Variants in LIFR observed in about 807,000 individuals in gnomAD.
The protein encoded by LIFR is LIF receptor subunit alpha.
Under a neutral mutation model 122.2 loss-of-function variants are expected in LIFR, and 84 were observed. The observed-to-expected ratio is 0.69, with a 90% CI of 0.58 to 0.82. The LOEUF (loss-of-function observed/expected upper bound fraction) is 0.82. LIFR is among the 40% of genes least tolerant of loss of function. The pLI is 0.00. For missense variants in LIFR, 1,294 were observed against 1,311.6 expected (o/e 0.99, Z 0.21); for synonymous variants, 422 against 434.7 (o/e 0.97, Z 0.36).
intron 1 of LIFR, among the ~76,000 whole-genome samples, chr5:38,554,035 T>A (rs1748384809): frequency 6.6e-6 from 1 of 152,148 alleles, no homozygotes; most frequent in South Asian, 2.1e-4. Flanking sequence ...TTTGAGTGCC[T>A]AATGGCAACC....
intron 1 of LIFR, among the ~76,000 whole-genome samples, chr5:38,587,170 C>T (rs1749776751): frequency 6.6e-6 from 1 of 152,056 alleles, no homozygotes; most frequent in Non-Finnish European, 1.5e-5. Context: ...TACCCCTCCC[C>T]ACCCCAGCCC....
intron 1 of LIFR, among the ~76,000 whole-genome samples, chr5:38,591,341 T>C (rs1343411423): frequency 6.6e-6 from 1 of 152,250 alleles, no homozygotes; most frequent in African/African-American, 2.4e-5. Flanking sequence ...TCCAGAATAC[T>C]GATTTTACTT....
chr5:38,526,774 T>C (rs1746711204), intron 4 of LIFR, among the ~76,000 whole-genome samples: 1 of 152,174 alleles, frequency 6.6e-6, no homozygotes, highest in South Asian at 2.1e-4. Context: ...CAATGAACTA[T>C]TAATCGACTG....
intron 1 of LIFR, among the ~76,000 whole-genome samples, chr5:38,538,968 C>CT (rs1051874536): frequency 2.6e-4 from 39 of 149,602 alleles, no homozygotes; most frequent in East Asian, 2.0e-3. Context: ...TTGGTTCTCT[C>CT]TTTTTTTTTT....
chr5:38,572,443 C>T (rs1003066385), intron 1 of LIFR, among the ~76,000 whole-genome samples: 4 of 152,146 alleles, frequency 2.6e-5, no homozygotes, highest in African/African-American at 9.7e-5. Context: ...ATTCATATCC[C>T]ACCAGGCCCC....
At chr5:38,510,917 C>T (rs572641223) in intron 6 of LIFR, among the ~76,000 whole-genome samples, 199 bp from the exon 7 acceptor site, 3 of 148,914 alleles carry the variant, frequency 2.0e-5, no homozygotes, top group South Asian at 2.1e-4. Context: ...AAGATATATA[C>T]GATAAATTTT....
Position 38,496,551 on chromosome 5 carries a change from A to G in LIFR, c.1716T>C (p.Asn572=), listed in dbSNP as rs370702690. ...TTTCCTCATCTGATGAACACGATAC[A>G]TTGTAGGAAAGTATTTTTCCATTAG... The part of the protein sequence containing the change: ...NEANGKILSY[N]VSCSSDEETQ... Residue 572 remains asparagine, a synonymous_variant, in exon 13 of 20, where the codon AAT becomes AAC. Transcript: ENST00000453190. 7.4e-6 allele frequency: 12 copies of G among 1,613,856 alleles called. No homozygotes were observed. Among genetic ancestry groups the G allele is most frequent in the African/African-American group, 1.3e-5 (1 of 74,936 alleles).
In LIFR at chr5:38,479,059, C is replaced by T. The variant is rs1270557871; in HGVS notation, c.*2536G>A. 1 of 232,248 alleles carries T rather than the reference C, an allele frequency of 4.3e-6. No individual in the cohort carries two copies. Among genetic ancestry groups the T allele is most frequent in the African/African-American group, 2.2e-5 (1 of 45,284 alleles). The allele number at this position is 232,248 out of a possible 1,614,324, so 14.4% of individuals were successfully genotyped here. A position where few individuals can be genotyped will look rare whatever the true frequency, so the allele number is the denominator to read the frequency against. ...TTTACCAGTATCTCAGACAACTGAA[C>T]ATGTGACCAATCTCCTTCCAACTTC... On this transcript the variant is annotated 3_prime_UTR_variant, in exon 20 of 20. Transcript: ENST00000453190.
At chr5:38,594,632 G>C (rs1453698504) in intron 1 of LIFR, among the ~76,000 whole-genome samples, 1 of 152,010 alleles carries the variant, frequency 6.6e-6, no homozygotes, top group Non-Finnish European at 1.5e-5. Context: ...AAGAAATAAG[G>C]TCTAGTAATG....
At chr5:38,525,066 G>A (rs1746606191) in intron 4 of LIFR, among the ~76,000 whole-genome samples, 2 of 152,170 alleles carry the variant, frequency 1.3e-5, no homozygotes, top group Admixed American at 1.3e-4. Flanking sequence ...ATGCTCAAAG[G>A]TTTGGGCATC....
At chr5:38,511,702 T>G in intron 6 of LIFR, 88 bp downstream of exon 6, 10 of 1,276,272 alleles carry the variant, frequency 7.8e-6, no homozygotes, top group South Asian at 1.2e-5. Context: ...AATGAGGTTA[T>G]GAGAAGTGAA....
At chr5:38,488,596 T>C (rs546958727) in intron 16 of LIFR, among the ~76,000 whole-genome samples, 1 of 152,370 alleles carries the variant, frequency 6.6e-6, no homozygotes, top group African/African-American at 2.4e-5. Flanking sequence ...TACTTTTTAA[T>C]ACATCCCCAA....
At chr5:38,538,306 C>T (rs1002929290) in intron 1 of LIFR, among the ~76,000 whole-genome samples, 9 of 152,334 alleles carry the variant, frequency 5.9e-5, no homozygotes, top group African/African-American at 1.9e-4. Flanking sequence ...GTGGCTATAA[C>T]ATCACTTGTA....
rs1743886955 is a variant in LIFR at position 38,479,682 on chromosome 5, C to G, written c.*1913G>C. On this transcript the variant is annotated 3_prime_UTR_variant, in exon 20 of 20. Coordinates refer to ENST00000453190, the MANE Select transcript of LIFR (RefSeq NM_001127671.2). The stretch of plus-strand genomic sequence containing the variant: ...GAACAAGGCAGGAGTTGAGGGCAAG[C>G]AGACAATGCTAACAGCAAGCTTTGG... 1 of 231,026 alleles carries G rather than the reference C, an allele frequency of 4.3e-6. No individual in the cohort carries two copies. The highest frequency in any genetic ancestry group is 8.6e-6 in the Non-Finnish European group (1 of 116,774). 14.3% of individuals were successfully genotyped at this position (231,026 alleles called of 1,614,324 possible).
At position 38,506,619 on chromosome 5, in the gene LIFR, A is replaced by C; in HGVS notation, c.1005T>G (p.Thr335=). The C allele has an allele frequency of 6.2e-7, 1 of 1,612,978 alleles. No individual in the cohort carries two copies. Among genetic ancestry groups the C allele is most frequent in the South Asian group, 1.1e-5 (1 of 91,060 alleles). ...TVIFAGYPPD[T]PQQLNCETHD... is the part of the protein sequence containing the mutation. Reference sequence around the variant, plus strand: ...GTGTCTCACAATTCAGTTGTTGAGGAGTATCTGGTGGATCTAACAGAAAAA... The same window carrying C: ...GTGTCTCACAATTCAGTTGTTGAGGCGTATCTGGTGGATCTAACAGAAAAA... The change falls in exon 8 of 20, where the codon ACT becomes ACG. Residue 335 remains threonine (T), a synonymous_variant. Coordinates refer to ENST00000453190, the MANE Select transcript of LIFR (RefSeq NM_001127671.2).
At chr5:38,532,234 A>C (rs937541070) in intron 1 of LIFR, among the ~76,000 whole-genome samples, 4 of 152,222 alleles carry the variant, frequency 2.6e-5, no homozygotes, top group African/African-American at 9.6e-5. Flanking sequence ...GAAGAAGTGC[A>C]AGAAGGGGCG....
At chr5:38,485,656 G>T in intron 17 of LIFR, 163 bp downstream of exon 17, 1 of 683,026 alleles carries the variant, frequency 1.5e-6, no homozygotes. Context: ...TAAACATGAA[G>T]TAATCTTACA....
intron 9 of LIFR, among the ~76,000 whole-genome samples, chr5:38,504,922 C>T (rs189387932): frequency 4.5e-4 from 68 of 152,250 alleles, no homozygotes; most frequent in African/African-American, 1.5e-3. Flanking sequence ...GACATGCCTT[C>T]GGTTTAGGCC....
At chr5:38,522,415 C>T (rs1008374060) in intron 5 of LIFR, among the ~76,000 whole-genome samples, 1 of 152,160 alleles carries the variant, frequency 6.6e-6, no homozygotes, top group Non-Finnish European at 1.5e-5. Context: ...TCTACTATTC[C>T]CTATCTTGGT....
Sources: allele counts gnomAD v4.1 joint callset (sites outside exome capture counted in the v4.1 genomes callset), GRCh38; gene constraint gnomAD v4.1.1; transcripts MANE v1.5; gene names NCBI Gene and HGNC (gene_info 2026-07-23, HGNC 2026-07-21).